TRPM1: variants seen among roughly 807,000 people sequenced by gnomAD.
TRPM1 encodes transient receptor potential cation channel subfamily M member 1.
TRPM1 carries 113 observed loss-of-function variants against 149.4 expected under a neutral mutation model. The ratio of observed to expected loss-of-function variants is 0.76; its 90% CI spans 0.65 to 0.88. The LOEUF (loss-of-function observed/expected upper bound fraction) is 0.88. Ranked by LOEUF, TRPM1 falls within the 40% of genes least tolerant of loss-of-function variation. The pLI is 0.00. For missense variants in TRPM1, 1,976 were observed against 2,038.7 expected (o/e 0.97, Z 0.59); for synonymous variants, 741 against 759.5 (o/e 0.98, Z 0.40).
intron 8 of TRPM1, 102 bp from the exon 9 acceptor site, chr15:31,062,804 G>T: frequency 7.4e-7 from 1 of 1,350,630 alleles, no homozygotes; most frequent in Non-Finnish European, 1.0e-6. Context: ...TGCTGTGGGA[G>T]GATATCCTGA....
At chr15:31,097,314 A>G (rs2035410428) in intron 1 of TRPM1, among the ~76,000 whole-genome samples, 1 of 148,848 alleles carries the variant, frequency 6.7e-6, no homozygotes. Context: ...TTTAGGAACT[A>G]TGGAGGGTAT....
intron 9 of TRPM1, 147 bp from the exon 10 acceptor site, chr15:31,061,661 TTTTTTCTTTTC>T (rs2034235813): frequency 5.6e-6 from 4 of 718,336 alleles, no homozygotes; most frequent in Non-Finnish European, 9.5e-6. Flanking sequence ...TTGATTTCTT[TTTTTTCTTTTC>T]TTTTTCTTTT....
intron 1 of TRPM1, among the ~76,000 whole-genome samples, chr15:31,089,722 C>T (rs1482904690): frequency 6.6e-6 from 1 of 152,228 alleles, no homozygotes; most frequent in Non-Finnish European, 1.5e-5. Context: ...ATGACCTCTC[C>T]AAGGCCTGGA....
upstream of TRPM1, among the ~76,000 whole-genome samples, chr15:31,102,211 C>T (rs1268574479): frequency 6.6e-6 from 1 of 152,214 alleles, no homozygotes; most frequent in Non-Finnish European, 1.5e-5. Context: ...TGACTCTCAG[C>T]CCCTTCTGAG....
chr15:31,068,831 C>CTATG (rs1567031772), intron 4 of TRPM1, among the ~76,000 whole-genome samples: 13 of 150,482 alleles, frequency 8.6e-5, no homozygotes, highest in Non-Finnish European at 1.0e-4. Context: ...AAGGTGCTAT[C>CTATG]TATGAAGCAG....
chr15:31,160,587 T>C (rs1205444390), intron 1 of TRPM1, among the ~76,000 whole-genome samples: 1 of 152,176 alleles, frequency 6.6e-6, no homozygotes, highest in Non-Finnish European at 1.5e-5. Flanking sequence ...AAGCAAGAGA[T>C]GCAAAACTCC....
chr15:31,014,936 T>A (rs181957470), intron 27 of TRPM1, among the ~76,000 whole-genome samples: 5 of 151,908 alleles, frequency 3.3e-5, no homozygotes, highest in African/African-American at 1.2e-4. Context: ...CTCTTGAATT[T>A]TGATGCAGTG....
At chr15:31,023,993 G>A (rs1481882213) in intron 27 of TRPM1, among the ~76,000 whole-genome samples, 2 of 152,162 alleles carry the variant, frequency 1.3e-5, no homozygotes, top group Non-Finnish European at 2.9e-5. Flanking sequence ...AGCACCCTGC[G>A]TGGAGGAGAA....
intron 1 of TRPM1, among the ~76,000 whole-genome samples, chr15:31,141,751 T>C (rs1018582948): frequency 6.6e-6 from 1 of 152,222 alleles, no homozygotes; most frequent in Non-Finnish European, 1.5e-5. Flanking sequence ...AGAAGATTTG[T>C]GGAAGTAAAA....
chr15:31,126,675 AT>A (rs1276643459), intron 1 of TRPM1, among the ~76,000 whole-genome samples: 2 of 152,120 alleles, frequency 1.3e-5, no homozygotes, highest in East Asian at 3.9e-4. Context: ...TTAGAAATGC[AT>A]TTGCCGGCCA....
At chr15:31,104,586 C>CT (rs928062797), upstream of TRPM1, among the ~76,000 whole-genome samples, 4,371 of 87,446 alleles carry the variant, frequency 0.05, 60 homozygotes, top group Non-Finnish European at 0.062. Flanking sequence ...GGTGATCTTC[C>CT]TTTTTTTTTT....
At chr15:31,101,727 G>T (rs1162817000), upstream of TRPM1, 1 of 985,814 alleles carries the variant, frequency 1.0e-6, no homozygotes, top group African/African-American at 1.7e-5. Flanking sequence ...AGGGCAGGGA[G>T]CTGGGTGAGG....
intron 24 of TRPM1, among the ~76,000 whole-genome samples, chr15:31,029,041 AT>A (rs1221722868): frequency 6.6e-6 from 1 of 151,918 alleles, no homozygotes; most frequent in Non-Finnish European, 1.5e-5. Flanking sequence ...TATTTTTGTT[AT>A]GTTGTATGGG....
At chr15:31,031,411 G>A (rs1180659577) in intron 22 of TRPM1, 2 of 568,364 alleles carry the variant, frequency 3.5e-6, no homozygotes, top group Non-Finnish European at 6.3e-6. Flanking sequence ...CTCTGTTGTT[G>A]CCCATAAACA....
At chr15:31,062,743 A>T (rs1255045775) in intron 8 of TRPM1, 41 bp from the exon 9 acceptor site, 1 of 1,606,594 alleles carries the variant, frequency 6.2e-7, no homozygotes, top group Admixed American at 1.7e-5. Flanking sequence ...AAGGCAAGTT[A>T]AATCTATATA....
chr15:31,156,409 G>C (rs1407866589), intron 1 of TRPM1, among the ~76,000 whole-genome samples: 1 of 151,984 alleles, frequency 6.6e-6, no homozygotes, highest in African/African-American at 2.4e-5. Flanking sequence ...ACCTGAACAG[G>C]AAACATTTGC....
At chr15:31,142,048 TC>T (rs2036169646) in intron 1 of TRPM1, among the ~76,000 whole-genome samples, 1 of 152,168 alleles carries the variant, frequency 6.6e-6, no homozygotes, top group Non-Finnish European at 1.5e-5. Flanking sequence ...TAGTGGGACT[TC>T]ATCTTGATCT....
intron 1 of TRPM1, among the ~76,000 whole-genome samples, chr15:31,152,263 T>C (rs2036312684): frequency 6.6e-6 from 1 of 152,172 alleles, no homozygotes; most frequent in Non-Finnish European, 1.5e-5. Flanking sequence ...CAACCCTCTA[T>C]GGGCACAGAT....
rs61284554 is a variant in TRPM1 at position 31,087,127 on chromosome 15, G to T, written c.-83-5689C>A. Among the ~76,000 whole-genome samples the T allele has an allele frequency of 4.8e-3, 731 of 151,240 alleles. 10 individuals carry two copies. The highest frequency in any genetic ancestry group is 0.017 in the African/African-American group (681 of 41,174). On this transcript the variant is annotated intron_variant, in intron 1 of 27. Transcript: ENST00000256552. The stretch of plus-strand genomic sequence containing the variant: ...CGGAAAACTTGTTCATTGCTGGCAG[G>T]AATGTAAAAGAGTACAGCCACTGTG...
Sources: gnomAD v4.1 joint callset for allele counts (sites outside exome capture counted in the v4.1 genomes callset) on GRCh38, gnomAD v4.1.1 for gene constraint, MANE v1.5 for transcripts, NCBI Gene and HGNC (gene_info 2026-07-23, HGNC 2026-07-21) for gene names.